CYP4A22: variants seen among roughly 807,000 people sequenced by gnomAD.
CYP4A22 encodes cytochrome P450 4A22.
In CYP4A22, 46 loss-of-function variants were observed where a neutral mutation model predicts 56.2. The ratio of observed to expected loss-of-function variants is 0.82; its 90% CI spans 0.65 to 1.05. The LOEUF (loss-of-function observed/expected upper bound fraction) is 1.05. Among genes scored for constraint, CYP4A22 ranks in the 50% least tolerant of loss-of-function variants. The pLI, the probability that CYP4A22 is intolerant of heterozygous loss-of-function variation, is 0.00. For synonymous variants in CYP4A22, 193 were observed against 251.1 expected, an observed-to-expected ratio of 0.77 and a Z score of 2.19; for missense variants, 541 against 645.9, an observed-to-expected ratio of 0.84 and a Z score of 1.76.
chr1:47,146,773 T>C lies in CYP4A22; in HGVS notation c.1364+620T>C, dbSNP rs117146903. ...CTTGCCCAATGACATTTTTACTTCA[T>C]TATATAGTGTTCACATATTTACATC... is the stretch of plus-strand genomic sequence containing the variant. On this transcript the variant is annotated intron_variant, in intron 11 of 11. Transcript: ENST00000371891. The C allele has an allele frequency of 9.6e-3, 9,450 of 988,450 alleles. 122 individuals are homozygous for C. The highest frequency in any genetic ancestry group is 0.059 in the East Asian group (525 of 8,882). The allele number at this position is 988,450 out of a possible 1,614,324, so 61.2% of individuals were successfully genotyped here. A position where few individuals can be genotyped will look rare whatever the true frequency, so the allele number is the denominator to read the frequency against.
chr1:47,147,844 C>T (rs1402748882), intron 11 of CYP4A22, among the ~76,000 whole-genome samples: 1 of 152,176 alleles, frequency 6.6e-6, no homozygotes. Flanking sequence ...GATGCTGTCC[C>T]ACCTGTGATG....
rs759406647 is a variant in CYP4A22, at chr1:47,142,198, A to T, written c.473A>T (p.Tyr158Phe). 1.2e-6 allele frequency: 2 copies of T among 1,613,670 alleles called. No individual in the cohort carries two copies. The highest frequency in any genetic ancestry group is 2.2e-5 in the South Asian group (2 of 90,980). ...TTCCACAATGACATCCTGAAGCCAT[A>T]CGTGGGGCTCATGGCAGACTCTGTA... ...PAFHNDILKP[Y>F]VGLMADSVRV... The change falls in exon 4 of 12, where the codon TAC becomes TTC. Residue 158 changes from tyrosine (Y) to phenylalanine (F), a missense_variant. This residue lies in a region of CYP4A22 where 335 missense variants were observed against 361.2 expected (regional missense o/e 0.93). Coordinates refer to ENST00000371891, the MANE Select transcript of CYP4A22 (RefSeq NM_001010969.4).
intron 4 of CYP4A22, 94 bp downstream of exon 4, chr1:47,142,329 G>T: frequency 6.7e-7 from 1 of 1,491,794 alleles, no homozygotes; most frequent in Non-Finnish European, 8.9e-7. Flanking sequence ...GGCAGCCATA[G>T]ACATAGACAC....
At chr1:47,147,353 T>G (rs747227084) in intron 11 of CYP4A22, 1 of 984,930 alleles carries the variant, frequency 1.0e-6, no homozygotes, top group Non-Finnish European at 1.2e-6. Context: ...CATTCTATTT[T>G]ATTCATTTTA....
intron 9 of CYP4A22, 24 bp from the exon 10 acceptor site, chr1:47,145,842 C>G (rs770674024): frequency 7.4e-6 from 12 of 1,613,826 alleles, no homozygotes; most frequent in South Asian, 1.1e-5. Flanking sequence ...TCGGTCTTCT[C>G]TCTCTTTCCA....
Position 47,137,620 on chromosome 1 carries a change from C to G in CYP4A22, c.135C>G (p.Leu45=). Reference sequence around the variant, plus strand: ...TCTACCTGCATAGGCAGTGGCTGCTCAAAGCCCTCCAGCAGTTCCCGTGCC... The same window carrying G: ...TCTACCTGCATAGGCAGTGGCTGCTGAAAGCCCTCCAGCAGTTCCCGTGCC... The part of the protein sequence containing the change: ...AQLYLHRQWL[L]KALQQFPCPP... Residue 45 remains leucine, a synonymous_variant, in exon 1 of 12, where the codon CTC becomes CTG. Transcript: ENST00000371891. 1 of 1,614,174 alleles carries G rather than the reference C, an allele frequency of 6.2e-7. No individual in the cohort carries two copies. Among genetic ancestry groups the G allele is most frequent in the African/African-American group, 1.3e-5 (1 of 75,064 alleles).
chr1:47,146,171 G>A lies in CYP4A22; in HGVS notation c.1364+18G>A, dbSNP rs1400111477. The A allele has an allele frequency of 1.9e-6, 3 of 1,614,170 alleles. No homozygotes were observed. The highest frequency in any genetic ancestry group is 2.5e-6 in the Non-Finnish European group (3 of 1,180,024). On this transcript the variant is annotated intron_variant, in intron 11 of 11. Coordinates refer to ENST00000371891, the MANE Select transcript of CYP4A22 (RefSeq NM_001010969.4). ...GGATCAAGGTGAGACGTCCTGTGTG[G>A]TAATTGGAATAGAGAAATGAGGGAA...
At chr1:47,138,259 C>G (rs1644966687) in intron 1 of CYP4A22, among the ~76,000 whole-genome samples, 1 of 152,274 alleles carries the variant, frequency 6.6e-6, no homozygotes, top group Non-Finnish European at 1.5e-5. Context: ...CCAAGGCTCA[C>G]GGAATTTCCA....
At position 47,141,742 on chromosome 1, in the gene CYP4A22, C is replaced by T. The variant is rs1207309866; in HGVS notation, c.382+127C>T. ...CTCATCCCCAAATCAAGCCTCATTT[C>T]CCTCTTCTAACAAGACCCTCACCCC... On this transcript the variant is annotated intron_variant, in intron 3 of 11. Transcript: ENST00000371891. The T allele has an allele frequency of 5.4e-6, 7 of 1,289,524 alleles. No homozygotes were observed. The Admixed American group carries it at 1.6e-4, about 30-fold the overall frequency. The allele number at this position is 1,289,524 out of a possible 1,614,324, so 79.9% of individuals were successfully genotyped here.
At chr1:47,146,010 G>A (rs1645071906) in intron 10 of CYP4A22, 67 bp from the exon 11 acceptor site, 3 of 1,614,084 alleles carry the variant, frequency 1.9e-6, no homozygotes, top group South Asian at 2.2e-5. Context: ...TGGGAGTACT[G>A]TACCCTCATG....
chr1:47,137,528 G>A lies in CYP4A22; in HGVS notation c.43G>A (p.Val15Ile), dbSNP rs1366799781. ...VLSPSRRLGG[V>I]SGILQVTSLL... ...GAGCCCCAGCAGACGCCTGGGTGGT[G>A]TCTCCGGGATCCTCCAAGTGACCTC... is the stretch of plus-strand genomic sequence containing the variant. The change falls in exon 1 of 12, where the codon GTC becomes ATC. Residue 15 changes from valine (V) to isoleucine (I), a missense_variant. Around this residue, in one of 3 missense-constraint regions of CYP4A22, gnomAD observed 335 missense variants for 361.2 expected, o/e 0.93. Coordinates refer to ENST00000371891, the MANE Select transcript of CYP4A22 (RefSeq NM_001010969.4). 1.9e-6 allele frequency: 3 copies of A among 1,614,018 alleles called. No individual in the cohort carries two copies. Among genetic ancestry groups the A allele is most frequent in the South Asian group, 1.1e-5 (1 of 91,078 alleles).
rs559907595 is a variant in CYP4A22 at position 47,146,197 on chromosome 1, G to A, written c.1364+44G>A. ...TAATTGGAATAGAGAAATGAGGGAA[G>A]TCTCTGGTCAACCCTCTGATCTTTG... On this transcript the variant is annotated intron_variant, in intron 11 of 11. Transcript: ENST00000371891. 4.3e-6 allele frequency: 7 copies of A among 1,614,056 alleles called. No individual in the cohort carries two copies. In the South Asian group the frequency reaches 7.7e-5, roughly 18 times the overall value.
intron 3 of CYP4A22, 50 bp downstream of exon 3, chr1:47,141,665 T>C: frequency 1.3e-6 from 2 of 1,597,428 alleles, no homozygotes; most frequent in Non-Finnish European, 8.6e-7. Flanking sequence ...AGGTTTGAGT[T>C]ATTTATTTGG....
intron 4 of CYP4A22, 120 bp downstream of exon 4, chr1:47,142,355 C>T (rs1645021514): frequency 7.1e-7 from 1 of 1,417,996 alleles, no homozygotes; most frequent in East Asian, 2.5e-5. Context: ...ACAACACTCT[C>T]AGGTCATTGC....
At chr1:47,143,714 G>A (rs375141168) in intron 5 of CYP4A22, 48 bp from the exon 6 acceptor site, 2 of 1,545,736 alleles carry the variant, frequency 1.3e-6, no homozygotes, top group South Asian at 1.3e-5. Flanking sequence ...CTACTTCCGG[G>A]TAATGGGCCC....
chr1:47,141,761 T>TTG, intron 3 of CYP4A22, 146 bp downstream of exon 3: 5 of 1,143,690 alleles, frequency 4.4e-6, no homozygotes, highest in Non-Finnish European at 6.1e-6. Context: ...AACAAGACCC[T>TTG]CACCCCTTCC....
In CYP4A22 at chr1:47,143,934, T is replaced by C. The variant is rs1163965180; in HGVS notation, c.790+18T>C. On this transcript the variant is annotated intron_variant, in intron 6 of 11. Coordinates refer to ENST00000371891, the MANE Select transcript of CYP4A22 (RefSeq NM_001010969.4). ...GCACACAGGTTCTGTCTCTTCCTCTTGTCTCCCAGCCTTTCCCAGGCACAG... is the reference window on the plus strand; with the variant it reads ...GCACACAGGTTCTGTCTCTTCCTCTCGTCTCCCAGCCTTTCCCAGGCACAG... 2 of 1,598,824 alleles carry C rather than the reference T, an allele frequency of 1.3e-6. No homozygotes were observed. The highest frequency in any genetic ancestry group is 1.3e-5 in the African/African-American group (1 of 74,532).
At position 47,148,617 on chromosome 1, in the gene CYP4A22, A is replaced by T. The variant is rs776244724; in HGVS notation, c.1380A>T (p.Lys460Asn). ...CCTGGCCCAGGAACTGCATCGGGAA[A>T]CAATTTGCCATGAACCAGCTGAAGG... is the stretch of plus-strand genomic sequence containing the variant. ...FSGGSRNCIGKQFAMNQLKVA... is the reference protein window; with the variant it reads ...FSGGSRNCIGNQFAMNQLKVA... Residue 460 changes from lysine to asparagine, a missense_variant, in exon 12 of 12, where the codon AAA (lysine) becomes AAT (asparagine). Physicochemically the swap from Lys to Asn is moderately conservative, Grantham distance 94. Around this residue, in one of 3 missense-constraint regions of CYP4A22, gnomAD observed 204 missense variants for 258.9 expected, o/e 0.79. Coordinates refer to ENST00000371891, the MANE Select transcript of CYP4A22 (RefSeq NM_001010969.4). The T allele has an allele frequency of 5.1e-5, 82 of 1,611,328 alleles. No individual in the cohort carries two copies. The highest frequency in any genetic ancestry group is 2.5e-6 in the Non-Finnish European group (3 of 1,178,522).
In CYP4A22 at chr1:47,148,665, C is replaced by T; in HGVS notation, c.1428C>T (p.Leu476=). 1 of 1,614,072 alleles carries T rather than the reference C, an allele frequency of 6.2e-7. No homozygotes were observed. The highest frequency in any genetic ancestry group is 2.2e-5 in the East Asian group (1 of 44,870). Residue 476 remains leucine, a synonymous_variant, in exon 12 of 12, where the codon CTC becomes CTT. Transcript: ENST00000371891. ...AGGTGGCCAGGGCCCTGACCCTGCT[C>T]CGCTTTGAGCTGCTGCCTGATCCCA... ...QLKVARALTL[L]RFELLPDPTR... is the part of the protein sequence containing the mutation.
Sources: allele counts gnomAD v4.1 joint callset (sites outside exome capture counted in the v4.1 genomes callset), GRCh38; gene constraint gnomAD v4.1.1; regional missense constraint gnomAD v4.1.1; transcripts MANE v1.5; gene names NCBI Gene and HGNC (gene_info 2026-07-23, HGNC 2026-07-21).